The following TRIO variants were observed in gnomAD, a reference collection of about 807,000 sequenced individuals.
TRIO encodes the protein triple functional domain protein.
In TRIO, 58 loss-of-function variants were observed where a neutral mutation model predicts 351.9. That is an observed-to-expected ratio of 0.16 (90% CI 0.13 to 0.21). The LOEUF (loss-of-function observed/expected upper bound fraction) is 0.21. Ranked by LOEUF, TRIO falls within the 10% of genes least tolerant of loss-of-function variation. TRIO has a pLI of 1.00. For missense variants in TRIO, 3,201 were observed against 4,027.8 expected, an observed-to-expected ratio of 0.79 and a Z score of 5.56; for synonymous variants, 1,758 against 1,595.7, an observed-to-expected ratio of 1.10 and a Z score of -2.42.
At chr5:14,415,524 T>C (rs538418835) in intron 33 of TRIO, among the ~76,000 whole-genome samples, 16 of 152,346 alleles carry the variant, frequency 1.1e-4, no homozygotes, top group African/African-American at 3.8e-4. Context: ...GCCACAGCTC[T>C]TGTTAGTTAC....
chr5:14,419,687 C>A, intron 33 of TRIO, 91 bp from the exon 34 acceptor site: 1 of 1,551,460 alleles, frequency 6.4e-7, no homozygotes, highest in Non-Finnish European at 8.7e-7. Flanking sequence ...GGCAGGGTGG[C>A]AGGAACCCAC....
At chr5:14,406,977 A>T (rs1009474379) in intron 33 of TRIO, among the ~76,000 whole-genome samples, 57 of 152,224 alleles carry the variant, frequency 3.7e-4, no homozygotes, top group African/African-American at 1.3e-3. Flanking sequence ...TCCTAAGCAG[A>T]AGAACCTATC....
chr5:14,217,251 C>T lies in TRIO; in HGVS notation c.158-53574C>T, dbSNP rs117214600. On this transcript the variant is annotated intron_variant, in intron 1 of 56. Coordinates refer to ENST00000344204, the MANE Select transcript of TRIO (RefSeq NM_007118.4). ...CACTGTACAGAATGTGGTCATTATA[C>T]GCAGGCCATTCAGGTTGACTCTCTG... Among the ~76,000 whole-genome samples the T allele has an allele frequency of 2.8e-4, 42 of 152,290 alleles. No individual in the cohort carries two copies. In the East Asian group the frequency reaches 4.6e-3, roughly 17 times the overall value.
At position 14,416,498 on chromosome 5, in the gene TRIO, A is replaced by G. The variant is rs571726564; in HGVS notation, c.4960-3280A>G. ...GGGAGATGGGAAGATTTTTAAAATA[A>G]TTGTAGTGCCCTTTGAAATATTCTG... On this transcript the variant is annotated intron_variant, in intron 33 of 56. Coordinates refer to ENST00000344204, the MANE Select transcript of TRIO (RefSeq NM_007118.4). Among the ~76,000 whole-genome samples the G allele has an allele frequency of 5.3e-5, 8 of 152,284 alleles. No individual in the cohort carries two copies. In the South Asian group the frequency reaches 1.7e-3, roughly 32 times the overall value.
Position 14,419,931 on chromosome 5 carries a change from C to A in TRIO, c.5113C>A (p.Pro1705Thr). The A allele has an allele frequency of 6.2e-7, 1 of 1,614,208 alleles. No individual in the cohort carries two copies. The highest frequency in any genetic ancestry group is 8.5e-7 in the Non-Finnish European group (1 of 1,180,020). The change falls in exon 34 of 57, where the codon CCA becomes ACA. Residue 1705 changes from proline to threonine, a missense_variant. Pro to Thr is a conservative substitution (Grantham distance 38). Coordinates refer to ENST00000344204, the MANE Select transcript of TRIO (RefSeq NM_007118.4). Reference sequence around the variant, plus strand: ...TCTGGTGCGGACAACTGACCGCTCCCCAGCGGCAGAAGGCCTGGTCCCCTG... The same window carrying A: ...TCTGGTGCGGACAACTGACCGCTCCACAGCGGCAGAAGGCCTGGTCCCCTG... ...WCLVRTTDRS[P>T]AAEGLVPCGS...
At chr5:14,211,590 G>GTTTTTTTT (rs33992664) in intron 1 of TRIO, among the ~76,000 whole-genome samples, 1 of 120,068 alleles carries the variant, frequency 8.3e-6, no homozygotes, top group African/African-American at 3.2e-5. Context: ...ACACTCAGTT[G>GTTTTTTTT]TTTTTTTTTT....
intron 1 of TRIO, among the ~76,000 whole-genome samples, chr5:14,145,863 G>A (rs1399159044): frequency 6.6e-6 from 1 of 152,210 alleles, no homozygotes; most frequent in Non-Finnish European, 1.5e-5. Flanking sequence ...GCTTAGGCCT[G>A]TGCTGCCCCC....
intron 34 of TRIO, among the ~76,000 whole-genome samples, chr5:14,424,803 G>A (rs947667876): frequency 2.0e-5 from 3 of 152,132 alleles, no homozygotes; most frequent in Non-Finnish European, 4.4e-5. Flanking sequence ...ATTTTCATTC[G>A]GAACTGTCCG....
At chr5:14,165,417 T>C (rs1227777612) in intron 1 of TRIO, among the ~76,000 whole-genome samples, 1 of 152,226 alleles carries the variant, frequency 6.6e-6, no homozygotes. Context: ...GTTCCATCCG[T>C]GTTCCTGCAA....
intron 34 of TRIO, among the ~76,000 whole-genome samples, chr5:14,444,058 A>G (rs1057467098): frequency 6.7e-5 from 10 of 149,432 alleles, no homozygotes; most frequent in Non-Finnish European, 1.2e-4. Flanking sequence ...TGTGCTTTAT[A>G]ATTCTTGAAT....
chr5:14,402,908 T>A (rs917295844), intron 31 of TRIO, among the ~76,000 whole-genome samples: 1 of 151,610 alleles, frequency 6.6e-6, no homozygotes, highest in Non-Finnish European at 1.5e-5. Flanking sequence ...ATGGTGAGGG[T>A]ACAGATTTTG....
chr5:14,430,521 T>G (rs1358668771), intron 34 of TRIO, among the ~76,000 whole-genome samples: 1 of 152,138 alleles, frequency 6.6e-6, no homozygotes, highest in East Asian at 1.9e-4. Context: ...ACGCCTTCCA[T>G]CCTTGCAAAG....
At position 14,428,063 on chromosome 5, in the gene TRIO, C is replaced by G. The variant is rs1461868425; in HGVS notation, c.5203+8042C>G. ...GAGGACTTGGTTTAAATTTGTTCAC[C>G]CCAAATGTGGTCTTTCCCGGATCAT... On this transcript the variant is annotated intron_variant, in intron 34 of 56. Coordinates refer to ENST00000344204, the MANE Select transcript of TRIO (RefSeq NM_007118.4). Among the ~76,000 whole-genome samples, 3 of 152,246 alleles carry G rather than the reference C, an allele frequency of 2.0e-5. No individual in the cohort carries two copies. In the East Asian group the frequency reaches 5.8e-4, roughly 29 times the overall value.
intron 28 of TRIO, among the ~76,000 whole-genome samples, chr5:14,395,768 A>G (rs1747505084): frequency 6.6e-6 from 1 of 152,182 alleles, no homozygotes; most frequent in Non-Finnish European, 1.5e-5. Context: ...TTAATACACC[A>G]ATAAGAAAGT....
intron 9 of TRIO, among the ~76,000 whole-genome samples, chr5:14,322,170 T>A (rs999780836): frequency 1.3e-5 from 2 of 152,104 alleles, no homozygotes; most frequent in African/African-American, 4.8e-5. Context: ...CAGATGTCAG[T>A]ATTTGTTGAA....
chr5:14,248,286 G>A (rs1177124292), intron 1 of TRIO, among the ~76,000 whole-genome samples: 2 of 152,150 alleles, frequency 1.3e-5, no homozygotes, highest in Non-Finnish European at 2.9e-5. Context: ...AATTACAAAT[G>A]GAATGTCAAA....
intron 31 of TRIO, among the ~76,000 whole-genome samples, chr5:14,404,083 TGTG>T (rs199942487): frequency 4.5e-5 from 6 of 133,980 alleles, no homozygotes; most frequent in African/African-American, 8.8e-5. Flanking sequence ...GGGTGCAGGT[TGTG>T]GTGGTGAGGG....
intron 21 of TRIO, among the ~76,000 whole-genome samples, chr5:14,386,777 T>C (rs1561425352): frequency 6.6e-6 from 1 of 152,228 alleles, no homozygotes; most frequent in Non-Finnish European, 1.5e-5. Context: ...CTTTTCTGTG[T>C]ACATACAAAA....
At chr5:14,409,261 C>G (rs1748979702) in intron 33 of TRIO, among the ~76,000 whole-genome samples, 1 of 151,852 alleles carries the variant, frequency 6.6e-6, no homozygotes, top group Non-Finnish European at 1.5e-5. Flanking sequence ...ATTAGCACGA[C>G]TTCACATCTG....
Sources: allele counts gnomAD v4.1 joint callset (sites outside exome capture counted in the v4.1 genomes callset), GRCh38; gene constraint gnomAD v4.1.1; transcripts MANE v1.5; gene names NCBI Gene and HGNC (gene_info 2026-07-23, HGNC 2026-07-21).